SIPA1L2: variants seen among roughly 807,000 people sequenced by gnomAD.
SIPA1L2 encodes signal induced proliferation associated 1 like 2, also known as signal-induced proliferation-associated 1-like protein 2.
Under a neutral mutation model 163.9 loss-of-function variants are expected in SIPA1L2, and 56 were observed. The observed-to-expected ratio is 0.34, with a 90% CI of 0.28 to 0.43. SIPA1L2 has a LOEUF of 0.43. Among genes scored for constraint, SIPA1L2 ranks in the 20% least tolerant of loss-of-function variants. The pLI is 1.00. For synonymous variants in SIPA1L2, 877 were observed against 865.7 expected (o/e 1.01, Z -0.23); for missense variants, 1,974 against 2,193.5 (o/e 0.90, Z 2.00).
intron 5 of SIPA1L2, among the ~76,000 whole-genome samples, chr1:232,486,531 C>A (rs1380369585): frequency 2.0e-5 from 3 of 152,170 alleles, no homozygotes; most frequent in Non-Finnish European, 4.4e-5. Context: ...CATACTCTGG[C>A]TCCAAAGAAA....
At chr1:232,420,422 T>G (rs942656898) in intron 18 of SIPA1L2, among the ~76,000 whole-genome samples, 2 of 152,196 alleles carry the variant, frequency 1.3e-5, no homozygotes, top group African/African-American at 4.8e-5. Context: ...GGAACTGTCT[T>G]GTCTCCTCAG....
intron 1 of SIPA1L2, among the ~76,000 whole-genome samples, chr1:232,598,001 G>C (rs1028591699): frequency 2.0e-5 from 3 of 152,180 alleles, no homozygotes. Context: ...ACTAACAAAA[G>C]CTTGCCAATA....
intron 2 of SIPA1L2, among the ~76,000 whole-genome samples, chr1:232,537,213 G>T (rs181453918): frequency 6.6e-6 from 1 of 152,006 alleles, no homozygotes; most frequent in African/African-American, 2.4e-5. Flanking sequence ...CTCCAGCCTG[G>T]GTGACAACGT....
chr1:232,421,429 G>A (rs1051129692), intron 18 of SIPA1L2, among the ~76,000 whole-genome samples: 1 of 152,152 alleles, frequency 6.6e-6, no homozygotes, highest in Non-Finnish European at 1.5e-5. Flanking sequence ...AAATGCCAAG[G>A]AGCCTCTCAA....
chr1:232,471,280 A>C, intron 8 of SIPA1L2, 91 bp downstream of exon 8: 1 of 1,372,124 alleles, frequency 7.3e-7, no homozygotes, highest in Non-Finnish European at 1.0e-6. Context: ...CAAAGTTGCA[A>C]ATAATAATTG....
chr1:232,517,070 G>T (rs1667249620), intron 2 of SIPA1L2, among the ~76,000 whole-genome samples: 2 of 152,070 alleles, frequency 1.3e-5, no homozygotes, highest in African/African-American at 4.8e-5. Context: ...ATTTCCAGGG[G>T]TCTTTATTTT....
At chr1:232,533,070 G>A (rs769407995) in intron 2 of SIPA1L2, among the ~76,000 whole-genome samples, 4 of 152,126 alleles carry the variant, frequency 2.6e-5, no homozygotes, top group African/African-American at 4.8e-5. Flanking sequence ...CCAAAGGCCC[G>A]TCTGTGGACC....
chr1:232,572,456 A>G (rs1029080298), intron 2 of SIPA1L2, among the ~76,000 whole-genome samples: 1 of 151,962 alleles, frequency 6.6e-6, no homozygotes, highest in African/African-American at 2.4e-5. Context: ...CTTGATTCCC[A>G]TTAGGAGGGA....
At chr1:232,535,559 C>A (rs536817435) in intron 2 of SIPA1L2, among the ~76,000 whole-genome samples, 3 of 152,296 alleles carry the variant, frequency 2.0e-5, no homozygotes, top group African/African-American at 7.2e-5. Context: ...TTTTCAGTTA[C>A]AAATGCTATC....
In SIPA1L2 at chr1:232,439,159, C is replaced by T; in HGVS notation, c.3980G>A (p.Ser1327Asn). The T allele has an allele frequency of 6.2e-7, 1 of 1,613,228 alleles. No individual in the cohort carries two copies. The stretch of plus-strand genomic sequence containing the variant: ...ATCGCCCATGCTGCCTTCCGCAGCA[C>T]TGCCGGCGGAGATGGTGGACGCGTA... Reference protein sequence around the residue: ...HGYASTISAGSAAEGSMGDLS... With the variant: ...HGYASTISAGNAAEGSMGDLS... Residue 1327 changes from serine (S) to asparagine (N), a missense_variant, in exon 15 of 23, where the codon AGT (serine) becomes AAT (asparagine). Ser to Asn is a conservative substitution (Grantham distance 46, BLOSUM62 1). Coordinates refer to ENST00000674635, the MANE Select transcript of SIPA1L2 (RefSeq NM_020808.5).
chr1:232,614,983 T>C (rs1205051756), intron 1 of SIPA1L2, among the ~76,000 whole-genome samples: 1 of 152,180 alleles, frequency 6.6e-6, no homozygotes, highest in Non-Finnish European at 1.5e-5. Flanking sequence ...AGCAAACAAG[T>C]GTAAGCCTCT....
At chr1:232,489,609 A>G (rs1057389015) in intron 5 of SIPA1L2, among the ~76,000 whole-genome samples, 4 of 152,094 alleles carry the variant, frequency 2.6e-5, no homozygotes, top group African/African-American at 7.2e-5. Flanking sequence ...AACTTGTTAG[A>G]CCAATTAGTT....
chr1:232,595,207 T>G (rs1042529539), intron 1 of SIPA1L2, among the ~76,000 whole-genome samples: 1 of 152,210 alleles, frequency 6.6e-6, no homozygotes, highest in Non-Finnish European at 1.5e-5. Context: ...TGGCCCTCAG[T>G]GTCTTCCCAG....
intron 14 of SIPA1L2, among the ~76,000 whole-genome samples, chr1:232,440,997 TG>T (rs1300202948): frequency 1.3e-5 from 2 of 152,258 alleles, no homozygotes; most frequent in Non-Finnish European, 2.9e-5. Context: ...TGCCACTAAA[TG>T]GATAAGTGGT....
At chr1:232,519,451 A>T (rs1667362450) in intron 2 of SIPA1L2, among the ~76,000 whole-genome samples, 1 of 152,176 alleles carries the variant, frequency 6.6e-6, no homozygotes. Flanking sequence ...ACTGGATGGC[A>T]CATGGAAACC....
In SIPA1L2 at chr1:232,439,266, G is replaced by A. The variant is rs1662747900; in HGVS notation, c.3873C>T (p.His1291=). 9 of 1,613,974 alleles carry A rather than the reference G, an allele frequency of 5.6e-6. No homozygotes were observed. The East Asian group carries it at 1.8e-4, about 32-fold the overall frequency. The change falls in exon 15 of 23, where the codon CAC becomes CAT. Residue 1291 remains histidine (H), a synonymous_variant. Transcript: ENST00000674635. The part of the protein sequence containing the change: ...VHLAGSRSLI[H]SRAEQWADAA... ...CATCAGCCCACTGCTCGGCCCGGCT[G>A]TGGATCAGGGACCTGCTGCCTGCCA...
intron 1 of SIPA1L2, among the ~76,000 whole-genome samples, chr1:232,592,985 G>C (rs1661045226): frequency 1.3e-5 from 2 of 152,104 alleles, no homozygotes; most frequent in South Asian, 4.1e-4. Context: ...TAGTGGTGCA[G>C]GTGCTGGACA....
chr1:232,464,823 A>G lies in SIPA1L2; in HGVS notation c.2820+17T>C, dbSNP rs372694512. 9.1e-6 allele frequency: 14 copies of G among 1,542,344 alleles called. No homozygotes were observed. The African/African-American group carries it at 1.8e-4, about 20-fold the overall frequency. ...GAAAACATAAGGATGGCGGGAAAAT[A>G]GAAAACATGTACTTACTACTAATCG... On this transcript the variant is annotated intron_variant, in intron 9 of 22. Transcript: ENST00000674635.
At position 232,425,698 on chromosome 1, in the gene SIPA1L2, G is replaced by A. The variant is rs762162925; in HGVS notation, c.4521C>T (p.Ser1507=). ...RGSSFGSSRS[S]VLDQALPNDI... ...CGTTGGGCAGGGCCTGGTCAAGCAC[G>A]GAACTCCGGGAACTGCCAAAGGAGG... Residue 1507 remains serine, a synonymous_variant, in exon 18 of 23, where the codon TCC becomes TCT. Coordinates refer to ENST00000674635, the MANE Select transcript of SIPA1L2 (RefSeq NM_020808.5). 7 of 1,613,864 alleles carry A rather than the reference G, an allele frequency of 4.3e-6. No homozygotes were observed. Among genetic ancestry groups the A allele is most frequent in the South Asian group, 2.2e-5 (2 of 91,000 alleles).
Sources: gnomAD v4.1 joint callset for allele counts (sites outside exome capture counted in the v4.1 genomes callset) on GRCh38, gnomAD v4.1.1 for gene constraint, MANE v1.5 for transcripts, NCBI Gene and HGNC (gene_info 2026-07-23, HGNC 2026-07-21) for gene names.